NDUFAF5: variants seen among roughly 807,000 people sequenced by gnomAD.
NDUFAF5 encodes the protein arginine-hydroxylase NDUFAF5, mitochondrial.
Under a neutral mutation model 48.9 loss-of-function variants are expected in NDUFAF5, and 34 were observed. That is an observed-to-expected ratio of 0.70 (90% CI 0.53 to 0.93). The LOEUF (loss-of-function observed/expected upper bound fraction) is 0.93, where lower values mean the gene tolerates loss of function less well. Among genes scored for constraint, NDUFAF5 ranks in the 40% least tolerant of loss-of-function variants. The probability of loss-of-function intolerance (pLI) is 0.00; values close to 1 mark genes in which losing one functional copy is unlikely to be tolerated. For synonymous variants in NDUFAF5, 153 were observed against 150.6 expected, an observed-to-expected ratio of 1.02 and a Z score of -0.12; for missense variants, 428 against 427.5, an observed-to-expected ratio of 1.00 and a Z score of -0.01.
chr20:13,801,684 G>A lies in NDUFAF5; in HGVS notation c.717+1G>A. 6.2e-7 allele frequency: 1 copy of A among 1,612,840 alleles called. No homozygotes were observed. ...AGCTGGCTTTAATACTCTGACTGTG[G>A]TAACTATCAAGTTCGATTAACCCAT... On this transcript the variant is annotated splice_donor_variant, in intron 7 of 10. Coordinates refer to ENST00000378106, the MANE Select transcript of NDUFAF5 (RefSeq NM_024120.5). LOFTEE classifies it high-confidence loss of function.
intron 5 of NDUFAF5, among the ~76,000 whole-genome samples, chr20:13,796,415 T>G (rs1195790464): frequency 6.6e-6 from 1 of 152,194 alleles, no homozygotes; most frequent in African/African-American, 2.4e-5. Flanking sequence ...AGGTGACTAA[T>G]TCTGTTGCTT....
intron 2 of NDUFAF5, among the ~76,000 whole-genome samples, chr20:13,788,151 G>A (rs1477424130): frequency 6.6e-6 from 1 of 152,058 alleles, no homozygotes; most frequent in Admixed American, 6.5e-5. Context: ...TTATTTTTTA[G>A]TTTAACATTA....
chr20:13,794,818 T>G lies in NDUFAF5; in HGVS notation c.376-20T>G, dbSNP rs369638357. ...ATTCTACATAAATGTGATTTTGATCTTTCGTTTTCTTAACATTAGAAAAAT... is the reference window on the plus strand; with the variant it reads ...ATTCTACATAAATGTGATTTTGATCGTTCGTTTTCTTAACATTAGAAAAAT... On this transcript the variant is annotated intron_variant, in intron 4 of 10. Coordinates refer to ENST00000378106, the MANE Select transcript of NDUFAF5 (RefSeq NM_024120.5). 19 of 1,406,236 alleles carry G rather than the reference T, an allele frequency of 1.4e-5. 1 individual carries two copies. Among genetic ancestry groups the G allele is most frequent in the Middle Eastern group, 1.8e-4 (1 of 5,490 alleles). The allele number at this position is 1,406,236 out of a possible 1,614,324, so 87.1% of individuals were successfully genotyped here.
chr20:13,814,202 T>TG, intron 8 of NDUFAF5: 1 of 341,116 alleles, frequency 2.9e-6, no homozygotes, highest in Non-Finnish European at 5.8e-6. Context: ...TTAGCCATTC[T>TG]GCCTTGGAAA....
chr20:13,816,859 AT>A lies in NDUFAF5; in HGVS notation c.863-14del. 2 of 1,572,498 alleles carry A rather than the reference AT, an allele frequency of 1.3e-6. No homozygotes were observed. Among genetic ancestry groups the A allele is most frequent in the Non-Finnish European group, 8.8e-7 (1 of 1,142,362 alleles). On this transcript the variant is annotated splice_polypyrimidine_tract_variant and intron_variant, in intron 9 of 10. Coordinates refer to ENST00000378106, the MANE Select transcript of NDUFAF5 (RefSeq NM_024120.5). Reference sequence around the variant, plus strand: ...ACTTGCATTTTTTCAGACTTTAACCATTATTGTCTTTTTAGAAATGTACAGA... The same window carrying A: ...ACTTGCATTTTTTCAGACTTTAACCATATTGTCTTTTTAGAAATGTACAGA...
intron 8 of NDUFAF5, among the ~76,000 whole-genome samples, chr20:13,812,735 C>T (rs540147275): frequency 8.5e-5 from 13 of 152,280 alleles, no homozygotes; most frequent in Non-Finnish European, 1.5e-4. Context: ...TCTGTAGTTA[C>T]AATTTGAATT....
rs879177014 is a variant in NDUFAF5, at chr20:13,817,733, A to C, written c.*523A>C. The C allele has an allele frequency of 1.1e-5, 5 of 453,922 alleles. No individual in the cohort carries two copies. The highest frequency in any genetic ancestry group is 6.2e-5 in the South Asian group (4 of 64,460). 28.1% of individuals were successfully genotyped at this position (453,922 alleles called of 1,614,324 possible). ...TGGGACCACCATGGTTTTACACCCCACCCTACCTTAGGGAAGAAGAAAACA... is the reference window on the plus strand; with the variant it reads ...TGGGACCACCATGGTTTTACACCCCCCCCTACCTTAGGGAAGAAGAAAACA... On this transcript the variant is annotated 3_prime_UTR_variant, in exon 11 of 11. Coordinates refer to ENST00000378106, the MANE Select transcript of NDUFAF5 (RefSeq NM_024120.5).
chr20:13,816,639 T>C (rs972000765), intron 9 of NDUFAF5, 93 bp downstream of exon 9: 2 of 1,030,126 alleles, frequency 1.9e-6, no homozygotes, highest in African/African-American at 3.2e-5. Context: ...TTTCCATTCC[T>C]GTTAAGGCTC....
In NDUFAF5 at chr20:13,797,949, A is replaced by G. The variant is rs147743853; in HGVS notation, c.480-512A>G. Reference sequence around the variant, plus strand: ...TTGATTTTTTAAAAAATGGGATATTATTGGAAAACTCACAGATTCAAACTT... The same window carrying G: ...TTGATTTTTTAAAAAATGGGATATTGTTGGAAAACTCACAGATTCAAACTT... On this transcript the variant is annotated intron_variant, in intron 5 of 10. Transcript: ENST00000378106. Among the ~76,000 whole-genome samples the G allele has an allele frequency of 3.8e-3, 574 of 152,348 alleles. 3 individuals are homozygous for G. The highest frequency in any genetic ancestry group is 0.013 in the African/African-American group (526 of 41,580).
rs558867243 is a variant in NDUFAF5 at position 13,801,135 on chromosome 20, C to T, written c.520-351C>T. 3.9e-4 allele frequency among the ~76,000 whole-genome samples: 60 copies of T among 152,262 alleles called. 1 individual carries two copies. In the South Asian group the frequency reaches 0.012, roughly 30 times the overall value. ...AACGACGTTTCAGAGGCCATAGATGCAGGGAGGTTTGTGATTTTTGCAGCC... is the reference window on the plus strand; with the variant it reads ...AACGACGTTTCAGAGGCCATAGATGTAGGGAGGTTTGTGATTTTTGCAGCC... On this transcript the variant is annotated intron_variant, in intron 6 of 10. Transcript: ENST00000378106.
At position 13,801,754 on chromosome 20, in the gene NDUFAF5, G is replaced by A. The variant is rs45510491; in HGVS notation, c.717+71G>A. 0.079 allele frequency: 108,793 copies of A among 1,372,946 alleles called. 5,051 individuals are homozygous for A. The highest frequency in any genetic ancestry group is 0.092 in the Non-Finnish European group (88,626 of 964,650). The allele number at this position is 1,372,946 out of a possible 1,614,324, so 85.0% of individuals were successfully genotyped here. A position where few individuals can be genotyped will look rare whatever the true frequency, so the allele number is the denominator to read the frequency against. On this transcript the variant is annotated intron_variant, in intron 7 of 10. Coordinates refer to ENST00000378106, the MANE Select transcript of NDUFAF5 (RefSeq NM_024120.5). ...AGAACTTCTTATCATTTTAAAGATA[G>A]AAAACTGTATGTGTTCATGGTTTCA...
chr20:13,817,282 T>G lies in NDUFAF5; in HGVS notation c.*72T>G, dbSNP rs751299442. ...ATAGCTTTAACATCTAAAATTATTA[T>G]ATTTTGAAGCAAGAAGCACTCTAAG... On this transcript the variant is annotated 3_prime_UTR_variant, in exon 11 of 11. Coordinates refer to ENST00000378106, the MANE Select transcript of NDUFAF5 (RefSeq NM_024120.5). 8.3e-7 allele frequency: 1 copy of G among 1,199,538 alleles called. No homozygotes were observed. 74.3% of individuals were successfully genotyped at this position (1,199,538 alleles called of 1,614,324 possible).
chr20:13,786,098 CT>C (rs1246988422), intron 1 of NDUFAF5, among the ~76,000 whole-genome samples: 1 of 152,160 alleles, frequency 6.6e-6, no homozygotes, highest in African/African-American at 2.4e-5. Flanking sequence ...GAGCCAGAGA[CT>C]GAGGGTTTCT....
rs576368924 is a variant in NDUFAF5, at chr20:13,807,487, C to T, written c.718-1355C>T. On this transcript the variant is annotated intron_variant, in intron 7 of 10. Transcript: ENST00000378106. ...AAACTTACTTATATAATATTACATG[C>T]ACTCTTTTGCTTTTTTTTTTCCAGT... Among the ~76,000 whole-genome samples the T allele has an allele frequency of 6.6e-5, 10 of 152,078 alleles. No individual in the cohort carries two copies. In the East Asian group the frequency reaches 7.7e-4, roughly 12 times the overall value.
In NDUFAF5 at chr20:13,817,066, G is replaced by T. The variant is rs536738034; in HGVS notation, c.946-52G>T. 2.5e-6 allele frequency: 4 copies of T among 1,571,000 alleles called. No individual in the cohort carries two copies. In the East Asian group the frequency reaches 9.0e-5, roughly 35 times the overall value. On this transcript the variant is annotated intron_variant, in intron 10 of 10. Coordinates refer to ENST00000378106, the MANE Select transcript of NDUFAF5 (RefSeq NM_024120.5). Reference sequence around the variant, plus strand: ...AGACAGCATTAAGGGCTTTAATTGGGGCTGTGTATTATCTATCTATTTCTA... The same window carrying T: ...AGACAGCATTAAGGGCTTTAATTGGTGCTGTGTATTATCTATCTATTTCTA...
chr20:13,790,830 C>T (rs1001765915), intron 3 of NDUFAF5, among the ~76,000 whole-genome samples: 1 of 152,300 alleles, frequency 6.6e-6, no homozygotes, highest in South Asian at 2.1e-4. Flanking sequence ...GCTCACCTGT[C>T]AGATCTTTAC....
intron 5 of NDUFAF5, among the ~76,000 whole-genome samples, chr20:13,795,935 AATAGGTT>A (rs1265554813): frequency 3.3e-5 from 5 of 152,226 alleles, no homozygotes; most frequent in African/African-American, 1.2e-4. Context: ...GTATATATCA[AATAGGTT>A]ATAGGATACA....
At chr20:13,792,216 A>G (rs1416263511) in intron 3 of NDUFAF5, among the ~76,000 whole-genome samples, 11 of 152,180 alleles carry the variant, frequency 7.2e-5, no homozygotes, top group Admixed American at 1.3e-4. Flanking sequence ...CATGAGAGCT[A>G]TTGAGCACTC....
rs1986966800 is a variant in NDUFAF5, at chr20:13,821,311, C to G, written c.*4101C>G. 1 of 152,226 alleles carries G rather than the reference C, an allele frequency of 6.6e-6. No homozygotes were observed. Among genetic ancestry groups the G allele is most frequent in the African/African-American group, 2.4e-5 (1 of 41,446 alleles). 9.4% of individuals were successfully genotyped at this position (152,226 alleles called of 1,614,324 possible). A position where few individuals can be genotyped will look rare whatever the true frequency, so the allele number is the denominator to read the frequency against. On this transcript the variant is annotated 3_prime_UTR_variant, in exon 11 of 11. Coordinates refer to ENST00000378106, the MANE Select transcript of NDUFAF5 (RefSeq NM_024120.5). ...CATCCTCCTTACTCTCTCTTGGATC[C>G]TTCACTCTAGGGAAAGCCAGCAGCC...
Sources: allele counts gnomAD v4.1 joint callset (sites outside exome capture counted in the v4.1 genomes callset), GRCh38; gene constraint gnomAD v4.1.1; transcripts MANE v1.5; gene names NCBI Gene and HGNC (gene_info 2026-07-23, HGNC 2026-07-21).